The following VMP1 variants were observed in gnomAD, a reference collection of about 807,000 sequenced individuals.
VMP1 encodes ectopic P-granules autophagy protein 3 homolog.
A neutral mutation model predicts 56.0 loss-of-function variants in VMP1; 11 were observed. The ratio of observed to expected loss-of-function variants is 0.20; its 90% CI spans 0.12 to 0.32. The LOEUF (loss-of-function observed/expected upper bound fraction) is 0.32. VMP1 is among the 10% of genes least tolerant of loss of function. The pLI is 1.00. For missense variants in VMP1, 296 were observed against 490.3 expected (o/e 0.60, Z 3.74); for synonymous variants, 149 against 165.0 (o/e 0.90, Z 0.74).
chr17:59,755,311 T>C (rs1410689254), intron 5 of VMP1, among the ~76,000 whole-genome samples: 2 of 151,972 alleles, frequency 1.3e-5, no homozygotes, highest in Admixed American at 1.3e-4. Context: ...AGTTTCACAA[T>C]GTTGGCCAGG....
rs2039105812 is a variant in VMP1 at position 59,839,912 on chromosome 17, G to A, written c.*1G>A. Reference sequence around the variant, plus strand: ...GAACTCAGAGGAGAAAACTAAATAAGTAGAGAAAGTTTTAAACTGCAGAAA... The same window carrying A: ...GAACTCAGAGGAGAAAACTAAATAAATAGAGAAAGTTTTAAACTGCAGAAA... On this transcript the variant is annotated 3_prime_UTR_variant, in exon 12 of 12. Transcript: ENST00000262291. The A allele has an allele frequency of 6.2e-7, 1 of 1,610,184 alleles. No homozygotes were observed. Among genetic ancestry groups the A allele is most frequent in the Admixed American group, 1.7e-5 (1 of 58,402 alleles).
At chr17:59,797,164 C>G (rs532687443) in intron 7 of VMP1, among the ~76,000 whole-genome samples, 10 of 151,104 alleles carry the variant, frequency 6.6e-5, no homozygotes, top group Non-Finnish European at 8.9e-5. Context: ...AAACCCCCCC[C>G]CCGTCTCTAC....
intron 1 of VMP1, chr17:59,729,652 A>G (rs1375051196): frequency 6.7e-6 from 1 of 150,102 alleles, no homozygotes; most frequent in East Asian, 1.9e-4. Flanking sequence ...CCACATCCTC[A>G]CTAACACTTG....
At position 59,792,854 on chromosome 17, in the gene VMP1, A is replaced by AAAT. The variant is rs1157443211; in HGVS notation, c.715-15920_715-15918dup. On this transcript the variant is annotated intron_variant, in intron 7 of 11. Transcript: ENST00000262291. Reference sequence around the variant, plus strand: ...ACATGAGCAAAAACGCCATCTCAAAAAATAATAATAATAATAATAATAATT... The same window carrying AAAT: ...ACATGAGCAAAAACGCCATCTCAAAAAATAATAATAATAATAATAATAATAATT... Among the ~76,000 whole-genome samples the AAAT allele has an allele frequency of 1.5e-3, 132 of 86,446 alleles. 8 individuals are homozygous for AAAT. The highest frequency in any genetic ancestry group is 4.2e-3 in the African/African-American group (121 of 28,656). The allele number at this position is 86,446 out of a possible 152,430, so 56.7% of individuals were successfully genotyped here. A position where few individuals can be genotyped will look rare whatever the true frequency, so the allele number is the denominator to read the frequency against.
intron 6 of VMP1, among the ~76,000 whole-genome samples, chr17:59,767,897 A>G (rs1353131814): frequency 4.6e-5 from 7 of 152,044 alleles, no homozygotes; most frequent in East Asian, 3.9e-4. Context: ...AGGCCGAGGT[A>G]GGTGGATTTG....
intron 7 of VMP1, among the ~76,000 whole-genome samples, chr17:59,787,117 C>T (rs572905669): frequency 1.8e-4 from 28 of 152,224 alleles, no homozygotes; most frequent in Non-Finnish European, 2.5e-4. Flanking sequence ...TTTGACTATT[C>T]GCACAGTTAG....
At chr17:59,722,647 C>T (rs997001749) in intron 1 of VMP1, among the ~76,000 whole-genome samples, 9 of 152,106 alleles carry the variant, frequency 5.9e-5, no homozygotes, top group Admixed American at 3.9e-4. Flanking sequence ...TGAAGACTAG[C>T]GTGGCCAACA....
intron 7 of VMP1, among the ~76,000 whole-genome samples, chr17:59,800,544 C>A (rs548379809): frequency 6.6e-6 from 1 of 152,268 alleles, no homozygotes; most frequent in South Asian, 2.1e-4. Context: ...TTAATATTGG[C>A]TGTGAAATCA....
Position 59,794,207 on chromosome 17 carries a change from A to C in VMP1, c.715-14589A>C, listed in dbSNP as rs1176848127. ...AGTGCTGGGATTACAGGTGTGAGTC[A>C]CCGCACCCGGCCTTTTTTTTTTTTT... On this transcript the variant is annotated intron_variant, in intron 7 of 11. Transcript: ENST00000262291. Among the ~76,000 whole-genome samples the C allele has an allele frequency of 5.3e-3, 539 of 100,908 alleles. No individual in the cohort carries two copies. The Middle Eastern group carries it at 0.065, about 12-fold the overall frequency. 66.2% of individuals were successfully genotyped at this position (100,908 alleles called of 152,430 possible).
intron 1 of VMP1, among the ~76,000 whole-genome samples, chr17:59,721,300 C>T (rs954551097): frequency 5.4e-5 from 8 of 149,004 alleles, no homozygotes; most frequent in East Asian, 2.1e-4. Context: ...GAGCCATGAT[C>T]GCCCCATTGC....
chr17:59,717,390 C>CT (rs974823981), intron 1 of VMP1, among the ~76,000 whole-genome samples: 48 of 151,234 alleles, frequency 3.2e-4, no homozygotes, highest in African/African-American at 8.7e-4. Flanking sequence ...TTTCTAATCT[C>CT]TTTTTTTTTG....
chr17:59,757,884 T>TTTTA (rs1249262826), intron 5 of VMP1, among the ~76,000 whole-genome samples: 1 of 144,938 alleles, frequency 6.9e-6, no homozygotes, highest in East Asian at 2.0e-4. Flanking sequence ...TTTTTTTTTT[T>TTTTA]AAGACAGGGT....
chr17:59,817,656 TTA>T (rs1229674305), intron 9 of VMP1, 54 bp from the exon 10 acceptor site: 48 of 1,351,186 alleles, frequency 3.6e-5, no homozygotes, highest in Non-Finnish European at 4.6e-5. Flanking sequence ...AATTGTGAAT[TTA>T]TGTTGGTTTT....
At chr17:59,751,120 G>T (rs1381618140) in intron 5 of VMP1, among the ~76,000 whole-genome samples, 1 of 151,882 alleles carries the variant, frequency 6.6e-6, no homozygotes, top group Non-Finnish European at 1.5e-5. Flanking sequence ...TTTCAGTAGA[G>T]ACAGGGTTTC....
At chr17:59,740,885 C>G (rs2035201438) in intron 5 of VMP1, among the ~76,000 whole-genome samples, 1 of 152,104 alleles carries the variant, frequency 6.6e-6, no homozygotes, top group Non-Finnish European at 1.5e-5. Flanking sequence ...GAAAAGCAAC[C>G]CAGATAGCAG....
At chr17:59,778,218 A>G (rs773280525) in intron 7 of VMP1, among the ~76,000 whole-genome samples, 1 of 152,130 alleles carries the variant, frequency 6.6e-6, no homozygotes, top group Non-Finnish European at 1.5e-5. Context: ...TCAAAGCCTG[A>G]TAATCCTTAT....
chr17:59,809,016 T>TTTA, intron 8 of VMP1, 140 bp downstream of exon 8: 1 of 652,132 alleles, frequency 1.5e-6, no homozygotes, highest in Non-Finnish European at 2.5e-6. Flanking sequence ...TTTTTTTTTT[T>TTTA]AAGACGGAGT....
chr17:59,808,876 A>C lies in VMP1; in HGVS notation c.795A>C (p.Ser265=). The change falls in exon 8 of 12, where the codon TCA becomes TCC. Residue 265 remains serine (S), a splice_region_variant and synonymous_variant. Transcript: ENST00000262291. Reference sequence around the variant, plus strand: ...TTTTTGGAATTTTGGCCTGTGCTTCAGTAAGTGAATTGTATTAAAACAGAA... The same window carrying C: ...TTTTTGGAATTTTGGCCTGTGCTTCCGTAAGTGAATTGTATTAAAACAGAA... ...VGFFGILACA[S]IPNPLFDLAG... 1 of 1,613,514 alleles carries C rather than the reference A, an allele frequency of 6.2e-7. No homozygotes were observed. Among genetic ancestry groups the C allele is most frequent in the Non-Finnish European group, 8.5e-7 (1 of 1,179,506 alleles).
intron 1 of VMP1, among the ~76,000 whole-genome samples, chr17:59,730,878 A>G (rs1598303594): frequency 6.6e-6 from 1 of 152,026 alleles, no homozygotes; most frequent in Admixed American, 6.6e-5. Flanking sequence ...TATTCAGTAG[A>G]ATTGTTTCCT....
Sources: allele counts gnomAD v4.1 joint callset (sites outside exome capture counted in the v4.1 genomes callset), GRCh38; gene constraint gnomAD v4.1.1; transcripts MANE v1.5; gene names NCBI Gene and HGNC (gene_info 2026-07-23, HGNC 2026-07-21).